The following SPTLC3 variants were observed in gnomAD, a reference collection of about 807,000 sequenced individuals.
The protein encoded by SPTLC3 is serine palmitoyltransferase long chain base subunit 3.
A neutral mutation model predicts 59.3 loss-of-function variants in SPTLC3; 36 were observed. The observed-to-expected ratio is 0.61, with a 90% confidence interval of 0.47 to 0.80. SPTLC3 has a LOEUF of 0.80. Among genes scored for constraint, SPTLC3 ranks in the 30% least tolerant of loss-of-function variants. The pLI, the probability that SPTLC3 is intolerant of heterozygous loss-of-function variation, is 0.00. For synonymous variants in SPTLC3, 257 were observed against 240.8 expected, an observed-to-expected ratio of 1.07 and a Z score of -0.62; for missense variants, 625 against 685.1, an observed-to-expected ratio of 0.91 and a Z score of 0.98.
At chr20:13,153,625 G>A (rs1447035227) in intron 9 of SPTLC3, among the ~76,000 whole-genome samples, 1 of 152,098 alleles carries the variant, frequency 6.6e-6, no homozygotes, top group African/African-American at 2.4e-5. Flanking sequence ...TGAAGTGTGG[G>A]GGGTGGGGGA....
chr20:13,089,816 G>A (rs1323891707), intron 4 of SPTLC3, among the ~76,000 whole-genome samples: 2 of 149,238 alleles, frequency 1.3e-5, no homozygotes, highest in African/African-American at 5.0e-5. Context: ...AAAACAATGT[G>A]CTATTTTACA....
At chr20:13,047,094 T>C (rs6041802) in intron 1 of SPTLC3, among the ~76,000 whole-genome samples, 1 of 152,188 alleles carries the variant, frequency 6.6e-6, no homozygotes, top group Non-Finnish European at 1.5e-5. Flanking sequence ...GAATTCAAAT[T>C]TTAGATATCA....
At chr20:13,043,907 T>C (rs1025762626) in intron 1 of SPTLC3, among the ~76,000 whole-genome samples, 2 of 152,068 alleles carry the variant, frequency 1.3e-5, no homozygotes, top group African/African-American at 4.8e-5. Context: ...GTTGATAAGA[T>C]TACTTACTCA....
intron 11 of SPTLC3, among the ~76,000 whole-genome samples, chr20:13,160,839 A>G (rs758685391): frequency 2.6e-5 from 4 of 152,294 alleles, no homozygotes; most frequent in Middle Eastern, 6.8e-3. Context: ...AATATAGAAA[A>G]CTGTGGGATC....
intron 11 of SPTLC3, chr20:13,164,429 C>T (rs879328008): frequency 1.2e-5 from 6 of 489,010 alleles, no homozygotes; most frequent in Admixed American, 4.7e-5. Context: ...CACAAGACTA[C>T]ATATAAGTCA....
intron 4 of SPTLC3, among the ~76,000 whole-genome samples, chr20:13,084,339 A>T (rs1017391580): frequency 6.6e-6 from 1 of 152,234 alleles, no homozygotes; most frequent in African/African-American, 2.4e-5. Flanking sequence ...TTATATATTT[A>T]AGAACATACA....
At chr20:13,108,987 G>A (rs1475663240) in intron 6 of SPTLC3, among the ~76,000 whole-genome samples, 4 of 152,144 alleles carry the variant, frequency 2.6e-5, no homozygotes, top group Non-Finnish European at 1.5e-5. Context: ...CTTAGGAAAT[G>A]CAAAAAATAC....
At chr20:13,019,682 C>G (rs577424502) in intron 1 of SPTLC3, among the ~76,000 whole-genome samples, 1 of 152,146 alleles carries the variant, frequency 6.6e-6, no homozygotes, top group Non-Finnish European at 1.5e-5. Flanking sequence ...ATTGACCAAA[C>G]CACAACTCTC....
rs576358368 is a variant in SPTLC3 at position 13,138,335 on chromosome 20, C to T, written c.1279+11618C>T. On this transcript the variant is annotated intron_variant, in intron 9 of 11. Transcript: ENST00000399002. ...TTTCCTCTATCTGGAAGGCTCTCAT[C>T]CCTCCCCACAATACACTACCCCCAT... is the stretch of plus-strand genomic sequence containing the variant. Among the ~76,000 whole-genome samples the T allele has an allele frequency of 9.2e-5, 14 of 152,294 alleles. No individual in the cohort carries two copies. The South Asian group carries it at 2.9e-3, about 32-fold the overall frequency.
intron 4 of SPTLC3, among the ~76,000 whole-genome samples, chr20:13,087,817 G>A (rs1432978221): frequency 6.6e-6 from 1 of 152,180 alleles, no homozygotes; most frequent in East Asian, 1.9e-4. Context: ...CTTAATAAGT[G>A]CTATAATCAT....
intron 5 of SPTLC3, among the ~76,000 whole-genome samples, chr20:13,092,177 G>A (rs1989246227): frequency 6.6e-6 from 1 of 152,214 alleles, no homozygotes; most frequent in South Asian, 2.1e-4. Context: ...AGAGGGAACA[G>A]CATGTGTAAA....
intron 2 of SPTLC3, among the ~76,000 whole-genome samples, chr20:13,066,572 T>C (rs1988220737): frequency 6.6e-6 from 1 of 152,204 alleles, no homozygotes; most frequent in Non-Finnish European, 1.5e-5. Context: ...ATGTGTGTAT[T>C]TGTTTTTATT....
chr20:13,083,272 T>G (rs1262718731), intron 4 of SPTLC3, among the ~76,000 whole-genome samples: 4 of 152,272 alleles, frequency 2.6e-5, no homozygotes, highest in African/African-American at 7.2e-5. Flanking sequence ...GGTAAAGATG[T>G]GTATATTCCT....
intron 1 of SPTLC3, among the ~76,000 whole-genome samples, chr20:13,043,739 C>T (rs1431623078): frequency 6.6e-6 from 1 of 152,122 alleles, no homozygotes. Flanking sequence ...AAATAAGCAA[C>T]TCCCCTCACT....
At chr20:13,143,417 T>C (rs1384561248) in intron 9 of SPTLC3, among the ~76,000 whole-genome samples, 3 of 152,266 alleles carry the variant, frequency 2.0e-5, no homozygotes, top group Non-Finnish European at 4.4e-5. Flanking sequence ...TATTTAATCC[T>C]CATAACAGTA....
At chr20:13,135,276 A>C (rs1379603641) in intron 9 of SPTLC3, among the ~76,000 whole-genome samples, 1 of 152,218 alleles carries the variant, frequency 6.6e-6, no homozygotes, top group Non-Finnish European at 1.5e-5. Flanking sequence ...TTATCATAGG[A>C]TGACTCATGA....
chr20:13,128,641 T>C (rs1475436656), intron 9 of SPTLC3, among the ~76,000 whole-genome samples: 2 of 152,138 alleles, frequency 1.3e-5, no homozygotes, highest in South Asian at 2.1e-4. Flanking sequence ...AGACATTGGA[T>C]AAACAGGTAC....
chr20:13,060,256 C>G (rs1987903916), intron 2 of SPTLC3, among the ~76,000 whole-genome samples: 1 of 152,136 alleles, frequency 6.6e-6, no homozygotes, highest in Non-Finnish European at 1.5e-5. Flanking sequence ...AGCAAAGATT[C>G]AGTATACGCA....
intron 1 of SPTLC3, among the ~76,000 whole-genome samples, chr20:13,040,675 G>A (rs1438468969): frequency 6.6e-6 from 1 of 150,938 alleles, no homozygotes; most frequent in Non-Finnish European, 1.5e-5. Flanking sequence ...ACCTTTGCCT[G>A]TGCCCCCTTT....
Sources: allele counts gnomAD v4.1 joint callset (sites outside exome capture counted in the v4.1 genomes callset), GRCh38; gene constraint gnomAD v4.1.1; transcripts MANE v1.5; gene names NCBI Gene and HGNC (gene_info 2026-07-23, HGNC 2026-07-21).